CDH20: variants seen among roughly 807,000 people sequenced by gnomAD.
CDH20 encodes cadherin 20.
In CDH20, 29 loss-of-function variants were observed where a neutral mutation model predicts 74.2. The ratio of observed to expected loss-of-function variants is 0.39; its 90% CI spans 0.29 to 0.53. The LOEUF is 0.53. Among genes scored for constraint, CDH20 ranks in the 20% least tolerant of loss-of-function variants. The pLI, the probability that CDH20 is intolerant of heterozygous loss-of-function variation, is 0.69. For synonymous variants in CDH20, 469 were observed against 405.4 expected, an observed-to-expected ratio of 1.16 and a Z score of -1.88; for missense variants, 988 against 1,048.3, an observed-to-expected ratio of 0.94 and a Z score of 0.79.
intron 1 of CDH20, among the ~76,000 whole-genome samples, chr18:61,450,820 T>C (rs1568144305): frequency 1.3e-5 from 2 of 152,130 alleles, no homozygotes; most frequent in East Asian, 3.8e-4. Context: ...TTATTTTTAA[T>C]GTTCACTTTG....
chr18:61,439,738 C>T (rs1908965172), intron 1 of CDH20, among the ~76,000 whole-genome samples: 1 of 151,992 alleles, frequency 6.6e-6, no homozygotes, highest in African/African-American at 2.4e-5. Flanking sequence ...ACTGCAAACC[C>T]AAGGAAACCT....
chr18:61,478,781 G>A (rs923160634), intron 1 of CDH20, among the ~76,000 whole-genome samples: 11 of 152,092 alleles, frequency 7.2e-5, no homozygotes, highest in African/African-American at 9.7e-5. Context: ...AATAAAGAAC[G>A]GGGGAAGTAA....
intron 1 of CDH20, among the ~76,000 whole-genome samples, chr18:61,438,524 G>A (rs1464220716): frequency 1.3e-5 from 2 of 152,058 alleles, no homozygotes; most frequent in Non-Finnish European, 2.9e-5. Flanking sequence ...TTTTCAAAGT[G>A]TTATTAATGA....
intron 1 of CDH20, among the ~76,000 whole-genome samples, chr18:61,355,488 G>C (rs1312928670): frequency 6.6e-6 from 1 of 152,200 alleles, no homozygotes; most frequent in East Asian, 1.9e-4. Context: ...ATGTAGCCAA[G>C]TATACTTGAG....
intron 4 of CDH20, 22 bp downstream of exon 4, chr18:61,500,524 T>A (rs750382414): frequency 5.1e-5 from 82 of 1,595,140 alleles, no homozygotes; most frequent in Middle Eastern, 1.7e-4. Flanking sequence ...AAGGGTCGAG[T>A]CAGAGGTGTT....
chr18:61,364,371 G>A (rs1012815176), intron 1 of CDH20, among the ~76,000 whole-genome samples: 1 of 147,734 alleles, frequency 6.8e-6, no homozygotes, highest in African/African-American at 2.7e-5. Context: ...GGAGTGCAAT[G>A]GCGTGATCTT....
intron 1 of CDH20, among the ~76,000 whole-genome samples, chr18:61,446,449 C>G (rs1051696599): frequency 6.6e-5 from 10 of 152,164 alleles, no homozygotes; most frequent in Admixed American, 3.9e-4. Flanking sequence ...ATCTTTTTCT[C>G]CATATCCTTC....
intron 1 of CDH20, among the ~76,000 whole-genome samples, chr18:61,342,562 C>A (rs962054243): frequency 6.6e-6 from 1 of 152,196 alleles, no homozygotes; most frequent in African/African-American, 2.4e-5. Context: ...GTCCCCTATG[C>A]ATTGTAGGAT....
intron 1 of CDH20, among the ~76,000 whole-genome samples, chr18:61,397,535 T>A (rs1912024348): frequency 1.3e-5 from 2 of 152,148 alleles, no homozygotes; most frequent in South Asian, 4.1e-4. Flanking sequence ...GACCACCCTA[T>A]GCAGCCACCC....
chr18:61,530,374 T>G (rs928779682), intron 7 of CDH20, among the ~76,000 whole-genome samples: 6 of 152,232 alleles, frequency 3.9e-5, no homozygotes, highest in African/African-American at 1.4e-4. Flanking sequence ...CTTATCCTTA[T>G]TTTTCATATT....
At chr18:61,474,529 T>A (rs1910298714) in intron 1 of CDH20, among the ~76,000 whole-genome samples, 1 of 152,180 alleles carries the variant, frequency 6.6e-6, no homozygotes. Flanking sequence ...AGGATCCCAG[T>A]CCCACCTGCT....
intron 1 of CDH20, among the ~76,000 whole-genome samples, chr18:61,407,207 C>T (rs907955992): frequency 6.6e-6 from 1 of 152,200 alleles, no homozygotes; most frequent in African/African-American, 2.4e-5. Context: ...GAGCGAGGCA[C>T]CTGCCCTCCC....
In CDH20 at chr18:61,513,099, G is replaced by A. The variant is rs556669470; in HGVS notation, c.1017+5539G>A. On this transcript the variant is annotated intron_variant, in intron 6 of 11. Transcript: ENST00000262717. ...CGTTGATCTGTCTAATGTTGACAGT[G>A]GGGTGTTAAAGTCTCCCATTATTAA... Among the ~76,000 whole-genome samples the A allele has an allele frequency of 1.4e-3, 207 of 150,624 alleles. 1 individual carries two copies. The highest frequency in any genetic ancestry group is 4.9e-3 in the African/African-American group (202 of 41,056).
chr18:61,412,240 C>T (rs1032434992), intron 1 of CDH20, among the ~76,000 whole-genome samples: 1 of 151,860 alleles, frequency 6.6e-6, no homozygotes. Context: ...TACAAATGGA[C>T]ATAAACATTG....
At chr18:61,387,816 G>A (rs76682559) in intron 1 of CDH20, among the ~76,000 whole-genome samples, 111 of 152,272 alleles carry the variant, frequency 7.3e-4, no homozygotes, top group Non-Finnish European at 1.5e-3. Context: ...CTTGTCCACG[G>A]TGGAGGAAAC....
At chr18:61,547,727 G>A (rs567602808) in intron 10 of CDH20, among the ~76,000 whole-genome samples, 110 of 144,870 alleles carry the variant, frequency 7.6e-4, no homozygotes, top group African/African-American at 2.7e-3. Flanking sequence ...CTACACCCCC[G>A]CCCCACACAC....
In CDH20 at chr18:61,507,394, T is replaced by G; in HGVS notation, c.851T>G (p.Leu284Trp). 1 of 1,613,926 alleles carries G rather than the reference T, an allele frequency of 6.2e-7. No homozygotes were observed. The highest frequency in any genetic ancestry group is 2.2e-5 in the East Asian group (1 of 44,880). ...FPQKHYQMSV[L>W]ESAPISSTVG... Reference sequence around the variant, plus strand: ...GTAGAACATTACCAGATGAGTGTGTTGGAATCAGCTCCAATTAGCTCCACT... The same window carrying G: ...GTAGAACATTACCAGATGAGTGTGTGGGAATCAGCTCCAATTAGCTCCACT... The change falls in exon 6 of 12, where the codon TTG (leucine) becomes TGG (tryptophan). Residue 284 changes from leucine to tryptophan, a missense_variant. Leu to Trp is a moderately conservative substitution (Grantham distance 61). This residue lies in a region of CDH20 where 613 missense variants were observed against 755.2 expected (regional missense o/e 0.81). Transcript: ENST00000262717.
rs539114567 is a variant in CDH20, at chr18:61,423,590, T to C, written c.-152-66812T>C. Among the ~76,000 whole-genome samples, 13 of 152,226 alleles carry C rather than the reference T, an allele frequency of 8.5e-5. No individual in the cohort carries two copies. The East Asian group carries it at 2.5e-3, about 29-fold the overall frequency. On this transcript the variant is annotated intron_variant, in intron 1 of 11. Transcript: ENST00000262717. ...TGGAAATTTCTTTTTTTTTTCTTTT[T>C]AATTTAATAGATCTATGCTACATTT...
At chr18:61,498,333 G>A (rs1326975706) in intron 2 of CDH20, among the ~76,000 whole-genome samples, 2 of 151,720 alleles carry the variant, frequency 1.3e-5, no homozygotes, top group South Asian at 4.2e-4. Flanking sequence ...CTGGGAGGTG[G>A]AGGTTGCAGT....
Sources: allele counts gnomAD v4.1 joint callset (sites outside exome capture counted in the v4.1 genomes callset), GRCh38; gene constraint gnomAD v4.1.1; regional missense constraint gnomAD v4.1.1; transcripts MANE v1.5; gene names NCBI Gene and HGNC (gene_info 2026-07-23, HGNC 2026-07-21).